The following HTR2B variants were observed in gnomAD, a reference collection of about 807,000 sequenced individuals.
HTR2B encodes the protein 5-hydroxytryptamine receptor 2B.
Under a neutral mutation model 39.8 loss-of-function variants are expected in HTR2B, and 31 were observed. That is an observed-to-expected ratio of 0.78 (90% CI 0.58 to 1.05). The LOEUF (loss-of-function observed/expected upper bound fraction) is 1.05, where lower values mean the gene tolerates loss of function less well. Ranked by LOEUF, HTR2B falls within the 50% of genes least tolerant of loss-of-function variation. The probability of loss-of-function intolerance (pLI) is 0.00; values close to 1 mark genes in which losing one functional copy is unlikely to be tolerated. For missense variants in HTR2B, 562 were observed against 578.0 expected (o/e 0.97, Z 0.28); for synonymous variants, 210 against 207.1 (o/e 1.01, Z -0.12).
Position 231,113,785 on chromosome 2 carries a change from T to C in HTR2B, c.497A>G (p.Tyr166Cys), listed in dbSNP as rs1405978722. The part of the protein sequence containing the change: ...AIKKPIQANQ[Y>C]NSRATAFIKI... ...GATGAATGCTGTAGCCCGTGAGTTA[T>C]ATTGATTGGCCTGGATTGGCTTTTT... The change falls in exon 3 of 4, where the codon TAT (tyrosine) becomes TGT (cysteine). Residue 166 changes from tyrosine (Y) to cysteine (C), a missense_variant. Coordinates refer to ENST00000258400, the MANE Select transcript of HTR2B (RefSeq NM_000867.5). 2 of 1,614,162 alleles carry C rather than the reference T, an allele frequency of 1.2e-6. No homozygotes were observed. Among genetic ancestry groups the C allele is most frequent in the Admixed American group, 1.7e-5 (1 of 60,022 alleles).
chr2:231,110,931 G>A (rs1452619273), intron 3 of HTR2B, among the ~76,000 whole-genome samples: 1 of 152,172 alleles, frequency 6.6e-6, no homozygotes, highest in Non-Finnish European at 1.5e-5. Flanking sequence ...GCTGACCCCT[G>A]CTTTACCCTG....
chr2:231,117,786 G>A (rs747785347), intron 2 of HTR2B, among the ~76,000 whole-genome samples: 6 of 152,076 alleles, frequency 3.9e-5, no homozygotes, highest in Non-Finnish European at 8.8e-5. Context: ...ACAAGTATAG[G>A]TTGACGCACA....
intron 2 of HTR2B, among the ~76,000 whole-genome samples, chr2:231,119,322 T>C (rs1695449750): frequency 6.6e-6 from 1 of 152,174 alleles, no homozygotes; most frequent in Non-Finnish European, 1.5e-5. Flanking sequence ...CATATTTAAT[T>C]TGCATGCAGT....
chr2:231,123,705 C>A lies in HTR2B; in HGVS notation c.60G>T (p.Gln20His). The A allele has an allele frequency of 6.2e-7, 1 of 1,614,096 alleles. No homozygotes were observed. Among genetic ancestry groups the A allele is most frequent in the South Asian group, 1.1e-5 (1 of 91,076 alleles). The change falls in exon 2 of 4, where the codon CAG becomes CAT. Residue 20 changes from glutamine to histidine, a missense_variant. By Grantham distance (24) the Gln-to-His change is conservative. Transcript: ENST00000258400. ...LQSTIPEHIL[Q>H]STFVHVISSN... ...AAGAGATAACGTGAACAAAGGTGCT[C>A]TGCAAAATGTGCTCAGGAATTGTGC... is the stretch of plus-strand genomic sequence containing the variant.
intron 3 of HTR2B, among the ~76,000 whole-genome samples, chr2:231,113,360 G>A (rs1695223285): frequency 6.6e-6 from 1 of 152,108 alleles, no homozygotes; most frequent in South Asian, 2.1e-4. Flanking sequence ...TGCATTTCTT[G>A]TTATTTTAAT....
At chr2:231,119,885 A>AAAAAC (rs1695473118) in intron 2 of HTR2B, among the ~76,000 whole-genome samples, 1 of 151,650 alleles carries the variant, frequency 6.6e-6, no homozygotes, top group Non-Finnish European at 1.5e-5. Flanking sequence ...AAAAAAAAAA[A>AAAAAC]AAAAAACTTA....
At chr2:231,117,925 T>C (rs1695399519) in intron 2 of HTR2B, among the ~76,000 whole-genome samples, 1 of 152,152 alleles carries the variant, frequency 6.6e-6, no homozygotes, top group Non-Finnish European at 1.5e-5. Context: ...AAGGTATAAA[T>C]GTTGGTTCTG....
chr2:231,109,712 TA>T (rs1419787264), intron 3 of HTR2B, among the ~76,000 whole-genome samples: 1 of 152,220 alleles, frequency 6.6e-6, no homozygotes, highest in African/African-American at 2.4e-5. Context: ...ACATTTCTCA[TA>T]ATCTATTTTT....
At chr2:231,111,296 A>G (rs1695148796) in intron 3 of HTR2B, among the ~76,000 whole-genome samples, 1 of 151,614 alleles carries the variant, frequency 6.6e-6, no homozygotes, top group African/African-American at 2.4e-5. Context: ...GCTACCCCTC[A>G]CTCCTAGAGA....
intron 2 of HTR2B, among the ~76,000 whole-genome samples, chr2:231,118,165 A>G (rs1695407571): frequency 6.6e-6 from 1 of 150,420 alleles, no homozygotes; most frequent in Admixed American, 6.6e-5. Context: ...TAGAGTTTAT[A>G]TGGATGATGA....
intron 3 of HTR2B, among the ~76,000 whole-genome samples, chr2:231,110,158 A>G (rs1695105783): frequency 6.6e-6 from 1 of 152,156 alleles, no homozygotes; most frequent in Non-Finnish European, 1.5e-5. Flanking sequence ...CATCTCTACT[A>G]AAAATATGAA....
At chr2:231,114,200 C>T (rs1203969974) in intron 2 of HTR2B, among the ~76,000 whole-genome samples, 1 of 152,014 alleles carries the variant, frequency 6.6e-6, no homozygotes, top group Non-Finnish European at 1.5e-5. Context: ...ATTATTATGA[C>T]CTTTGCTCTT....
intron 2 of HTR2B, among the ~76,000 whole-genome samples, chr2:231,115,089 G>A (rs968615223): frequency 2.0e-5 from 3 of 151,450 alleles, no homozygotes; most frequent in Admixed American, 6.6e-5. Flanking sequence ...AGGAAAACCA[G>A]AATAATCATC....
chr2:231,108,250 T>G lies in HTR2B; in HGVS notation c.*267A>C, dbSNP rs1470003803. 3 of 343,246 alleles carry G rather than the reference T, an allele frequency of 8.7e-6. No homozygotes were observed. Among genetic ancestry groups the G allele is most frequent in the Non-Finnish European group, 1.6e-5 (3 of 187,754 alleles). 21.3% of individuals were successfully genotyped at this position (343,246 alleles called of 1,614,324 possible). A position where few individuals can be genotyped will look rare whatever the true frequency, so the allele number is the denominator to read the frequency against. On this transcript the variant is annotated 3_prime_UTR_variant, in exon 4 of 4. Transcript: ENST00000258400. Reference sequence around the variant, plus strand: ...AGTGGTTCTTTTTAAAGCCTGAAATTTATTGATTTGACTTTATTTCATTCG... The same window carrying G: ...AGTGGTTCTTTTTAAAGCCTGAAATGTATTGATTTGACTTTATTTCATTCG...
chr2:231,123,507 C>T lies in HTR2B; in HGVS notation c.258G>A (p.Gln86=), dbSNP rs781646655. 2 of 1,614,104 alleles carry T rather than the reference C, an allele frequency of 1.2e-6. No homozygotes were observed. Among genetic ancestry groups the T allele is most frequent in the Non-Finnish European group, 1.7e-6 (2 of 1,179,944 alleles). The change falls in exon 2 of 4, where the codon CAG becomes CAA. Residue 86 remains glutamine (Q), a synonymous_variant. Coordinates refer to ENST00000258400, the MANE Select transcript of HTR2B (RefSeq NM_000867.5). ...ILAVSLEKKL[Q]YATNYFLMSL... is the part of the protein sequence containing the mutation. ...ACATTAGAAAGTAATTAGTAGCATA[C>T]TGCAGCTTCTTCTCCAGTGAAACAG...
chr2:231,123,848 C>T lies in HTR2B; in HGVS notation c.-84G>A. 9.3e-7 allele frequency: 1 copy of T among 1,079,912 alleles called. No homozygotes were observed. Among genetic ancestry groups the T allele is most frequent in the Non-Finnish European group, 1.4e-6 (1 of 698,852 alleles). The allele number at this position is 1,079,912 out of a possible 1,614,324, so 66.9% of individuals were successfully genotyped here. On this transcript the variant is annotated 5_prime_UTR_variant, in exon 2 of 4. It removes an upstream start codon present in the reference 5' UTR. Transcript: ENST00000258400. ...AAGCTGCTCATCTGTTTTTTTAAGGCATTGTAACCATGCCAAACACTCAAA... is the reference window on the plus strand; with the variant it reads ...AAGCTGCTCATCTGTTTTTTTAAGGTATTGTAACCATGCCAAACACTCAAA...
intron 2 of HTR2B, among the ~76,000 whole-genome samples, chr2:231,119,949 A>T (rs1398613515): frequency 6.8e-6 from 1 of 147,426 alleles, no homozygotes; most frequent in Non-Finnish European, 1.5e-5. Flanking sequence ...TTCCCGTGTT[A>T]CTTTTTTTTT....
At chr2:231,113,595 G>A in intron 3 of HTR2B, 134 bp downstream of exon 3, 1 of 801,636 alleles carries the variant, frequency 1.2e-6, no homozygotes, top group Admixed American at 1.7e-5. Flanking sequence ...GACATAAGGA[G>A]CTTATGTTAA....
At chr2:231,118,139 T>G (rs1034095066) in intron 2 of HTR2B, among the ~76,000 whole-genome samples, 44 of 152,098 alleles carry the variant, frequency 2.9e-4, no homozygotes, top group African/African-American at 9.9e-4. Context: ...GTACCTGTTT[T>G]ATAGGATTTC....
Sources: gnomAD v4.1 joint callset for allele counts (sites outside exome capture counted in the v4.1 genomes callset) on GRCh38, gnomAD v4.1.1 for gene constraint, MANE v1.5 for transcripts, NCBI Gene and HGNC (gene_info 2026-07-23, HGNC 2026-07-21) for gene names.